The following STRN3 variants were observed in gnomAD, a reference collection of about 807,000 sequenced individuals.
STRN3 encodes the protein striatin-3.
Under a neutral mutation model 95.6 loss-of-function variants are expected in STRN3, and 29 were observed. The ratio of observed to expected loss-of-function variants is 0.30; its 90% CI spans 0.23 to 0.41. The LOEUF is 0.41. STRN3 is among the 10% of genes least tolerant of loss of function. The pLI, the probability that STRN3 is intolerant of heterozygous loss-of-function variation, is 1.00. For missense variants in STRN3, 890 were observed against 972.1 expected, an observed-to-expected ratio of 0.92 and a Z score of 1.12; for synonymous variants, 331 against 357.6, an observed-to-expected ratio of 0.93 and a Z score of 0.84.
chr14:30,919,490 G>A (rs1034443259), intron 8 of STRN3, among the ~76,000 whole-genome samples: 1 of 152,024 alleles, frequency 6.6e-6, no homozygotes, highest in East Asian at 1.9e-4. Context: ...ACATTTACCA[G>A]TGTAAAGAAT....
chr14:30,896,463 T>C (rs1363542201), intron 16 of STRN3, among the ~76,000 whole-genome samples: 1 of 151,118 alleles, frequency 6.6e-6, no homozygotes. Context: ...TGCCTGTGAG[T>C]GGCCACTGTA....
At chr14:30,913,760 A>G (rs888261086) in intron 9 of STRN3, 103 bp from the exon 10 acceptor site, 52 of 1,317,800 alleles carry the variant, frequency 3.9e-5, no homozygotes, top group Non-Finnish European at 9.2e-6. Flanking sequence ...ATTCAGTAAT[A>G]TAATTAATTT....
At chr14:30,950,405 G>A (rs1474729619) in intron 4 of STRN3, among the ~76,000 whole-genome samples, 2 of 152,172 alleles carry the variant, frequency 1.3e-5, no homozygotes, top group Non-Finnish European at 2.9e-5. Context: ...AGATTTGCCA[G>A]AGAAATATTT....
intron 1 of STRN3, among the ~76,000 whole-genome samples, chr14:30,983,515 A>T (rs1420735412): frequency 2.6e-5 from 4 of 152,262 alleles, no homozygotes; most frequent in African/African-American, 9.6e-5. Flanking sequence ...ACTGCACTCT[A>T]GCCTAGGCGA....
chr14:30,895,399 G>T lies in STRN3; in HGVS notation c.*12C>A. The T allele has an allele frequency of 6.3e-7, 1 of 1,588,478 alleles. No individual in the cohort carries two copies. The highest frequency in any genetic ancestry group is 8.6e-7 in the Non-Finnish European group (1 of 1,166,064). ...CCAAGCAAATCTTGTTACGATGCAAGTTTTTGTTGATTCATACAAATACTT... is the reference window on the plus strand; with the variant it reads ...CCAAGCAAATCTTGTTACGATGCAATTTTTTGTTGATTCATACAAATACTT... On this transcript the variant is annotated 3_prime_UTR_variant, in exon 18 of 18. Transcript: ENST00000357479.
intron 4 of STRN3, among the ~76,000 whole-genome samples, chr14:30,949,624 T>C (rs978087950): frequency 2.6e-5 from 4 of 151,554 alleles, no homozygotes; most frequent in Admixed American, 2.6e-4. Context: ...GCGGAGGTGA[T>C]AGTGAGCAGA....
chr14:31,001,928 G>C (rs1176151799), intron 1 of STRN3, among the ~76,000 whole-genome samples: 1 of 151,968 alleles, frequency 6.6e-6, no homozygotes, highest in Non-Finnish European at 1.5e-5. Flanking sequence ...CACTTTGGGA[G>C]GCCAAGGCAG....
chr14:30,984,700 A>G (rs1467133324), intron 1 of STRN3, among the ~76,000 whole-genome samples: 1 of 151,698 alleles, frequency 6.6e-6, no homozygotes, highest in Non-Finnish European at 1.5e-5. Flanking sequence ...ATCACTTGAA[A>G]TGGGGAGGCG....
chr14:30,924,408 C>G (rs138407999), intron 8 of STRN3, among the ~76,000 whole-genome samples: 2,774 of 150,270 alleles, frequency 0.018, 85 homozygotes, highest in African/African-American at 0.063. Flanking sequence ...CTGCCTCAGC[C>G]TCCCCAAGTA....
intron 1 of STRN3, among the ~76,000 whole-genome samples, chr14:31,007,156 C>T (rs946256968): frequency 6.6e-6 from 1 of 152,058 alleles, no homozygotes; most frequent in African/African-American, 2.4e-5. Flanking sequence ...AAAGAGTAAG[C>T]CAAGAAAGGG....
chr14:30,905,529 T>C lies in STRN3; in HGVS notation c.1918A>G (p.Ile640Val), dbSNP rs758031129. The C allele has an allele frequency of 2.5e-6, 4 of 1,605,626 alleles. No individual in the cohort carries two copies. Among genetic ancestry groups the C allele is most frequent in the South Asian group, 2.3e-5 (2 of 88,268 alleles). The change falls in exon 15 of 18, where the codon ATA (isoleucine) becomes GTA (valine). Residue 640 changes from isoleucine to valine, a missense_variant. This residue lies in a region of STRN3 where 357 missense variants were observed against 422.8 expected (regional missense o/e 0.84). Transcript: ENST00000357479. Reference protein sequence around the residue: ...KHGIPTSVDFIGCDPAHMVTS... With the variant: ...KHGIPTSVDFVGCDPAHMVTS... ...ACCATATGAGCTGGATCACAGCCTATAAAGTCAACTGATGTAGGTATTCCA... is the reference window on the plus strand; with the variant it reads ...ACCATATGAGCTGGATCACAGCCTACAAAGTCAACTGATGTAGGTATTCCA...
chr14:31,025,870 C>T lies in STRN3; in HGVS notation c.282+34G>A, dbSNP rs773238982. 6 of 1,582,062 alleles carry T rather than the reference C, an allele frequency of 3.8e-6. No homozygotes were observed. In the Admixed American group the frequency reaches 5.4e-5, roughly 14 times the overall value. On this transcript the variant is annotated intron_variant, in intron 1 of 17. Coordinates refer to ENST00000357479, the MANE Select transcript of STRN3 (RefSeq NM_001083893.2). ...CACCCCCCGGCCGGGAACCCAGCCG[C>T]CGCAGCTCCCGCACACCGACCCCAA...
intron 1 of STRN3, among the ~76,000 whole-genome samples, chr14:30,965,885 A>C (rs1212491929): frequency 6.6e-6 from 1 of 151,936 alleles, no homozygotes; most frequent in African/African-American, 2.4e-5. Context: ...TTCAAATAAT[A>C]TGTCAGTATG....
chr14:30,935,618 G>A (rs1442085089), intron 6 of STRN3, among the ~76,000 whole-genome samples: 2 of 152,158 alleles, frequency 1.3e-5, no homozygotes, highest in Non-Finnish European at 2.9e-5. Flanking sequence ...TTTGCATTCT[G>A]ATGTTATCTT....
intron 1 of STRN3, among the ~76,000 whole-genome samples, chr14:30,979,833 C>A (rs1881300224): frequency 6.6e-6 from 1 of 151,926 alleles, no homozygotes; most frequent in Non-Finnish European, 1.5e-5. Context: ...CTCCTGACCT[C>A]AGGTAATCTG....
At chr14:30,989,227 T>A (rs1881833869) in intron 1 of STRN3, among the ~76,000 whole-genome samples, 1 of 152,226 alleles carries the variant, frequency 6.6e-6, no homozygotes, top group South Asian at 2.1e-4. Context: ...CTGCCCAGCC[T>A]GGACCCTGCC....
chr14:30,966,263 T>C (rs1374460543), intron 1 of STRN3, among the ~76,000 whole-genome samples: 1 of 152,228 alleles, frequency 6.6e-6, no homozygotes, highest in Non-Finnish European at 1.5e-5. Context: ...TGTCCAAGTG[T>C]GCGCTCACCA....
intron 8 of STRN3, among the ~76,000 whole-genome samples, chr14:30,922,469 GTTACA>G (rs1896910078): frequency 6.6e-6 from 1 of 152,122 alleles, no homozygotes; most frequent in African/African-American, 2.4e-5. Flanking sequence ...ATAGACTACT[GTTACA>G]TTTTCAAATT....
At chr14:30,995,801 T>C (rs1309685453) in intron 1 of STRN3, among the ~76,000 whole-genome samples, 2 of 152,222 alleles carry the variant, frequency 1.3e-5, no homozygotes, top group Non-Finnish European at 2.9e-5. Context: ...CGAGGCTACA[T>C]GTAGCAGACA....
Sources: allele counts gnomAD v4.1 joint callset (sites outside exome capture counted in the v4.1 genomes callset), GRCh38; gene constraint gnomAD v4.1.1; regional missense constraint gnomAD v4.1.1; transcripts MANE v1.5; gene names NCBI Gene and HGNC (gene_info 2026-07-23, HGNC 2026-07-21).